The following SERINC5 variants were observed in gnomAD, a reference collection of about 807,000 sequenced individuals.
SERINC5 encodes the protein chromosome 5 open reading frame 12.
In SERINC5, 41 loss-of-function variants were observed where a neutral mutation model predicts 63.1. That is an observed-to-expected ratio of 0.65 (90% CI 0.51 to 0.84). The LOEUF is 0.84. Ranked by LOEUF, SERINC5 falls within the 40% of genes least tolerant of loss-of-function variation. The pLI, the probability that SERINC5 is intolerant of heterozygous loss-of-function variation, is 0.00. For synonymous variants in SERINC5, 222 were observed against 215.2 expected (o/e 1.03, Z -0.28); for missense variants, 523 against 573.0 (o/e 0.91, Z 0.89).
intron 5 of SERINC5, 131 bp from the exon 6 acceptor site, chr5:80,169,677 T>G: frequency 1.5e-6 from 1 of 653,570 alleles, no homozygotes; most frequent in Non-Finnish European, 2.7e-6. Context: ...GGTACCCAGC[T>G]GCTCAGAAGA....
intron 2 of SERINC5, among the ~76,000 whole-genome samples, chr5:80,195,011 G>C (rs1224432056): frequency 1.3e-5 from 2 of 152,164 alleles, no homozygotes; most frequent in African/African-American, 4.8e-5. Context: ...AATGGGCCAG[G>C]TGTGGTGGCT....
intron 2 of SERINC5, among the ~76,000 whole-genome samples, chr5:80,191,479 C>CAAAAA (rs1167390197): frequency 1.6e-4 from 6 of 38,508 alleles, no homozygotes; most frequent in African/African-American, 4.9e-4. Flanking sequence ...TCCATCTCTA[C>CAAAAA]AAAAAAAAAA....
rs1457919539 is a variant in SERINC5, at chr5:80,143,641, G to A, written c.*22C>T. ...ACTTTCCAGGCTGTAGGCCCACAAA[G>A]CCCAGGGGACCGCCGATATCATCAC... is the stretch of plus-strand genomic sequence containing the variant. On this transcript the variant is annotated 3_prime_UTR_variant, in exon 12 of 12. Coordinates refer to ENST00000507668, the MANE Select transcript of SERINC5 (RefSeq NM_001174072.3). The A allele has an allele frequency of 1.3e-6, 2 of 1,534,348 alleles. No homozygotes were observed. The highest frequency in any genetic ancestry group is 2.7e-5 in the African/African-American group (2 of 72,926).
At chr5:80,228,679 C>T (rs1401679540) in intron 1 of SERINC5, among the ~76,000 whole-genome samples, 1 of 151,910 alleles carries the variant, frequency 6.6e-6, no homozygotes, top group Non-Finnish European at 1.5e-5. Context: ...AAACTCCCAG[C>T]CTCAATCCCA....
chr5:80,196,266 G>C (rs568765227), intron 2 of SERINC5, among the ~76,000 whole-genome samples: 1 of 152,068 alleles, frequency 6.6e-6, no homozygotes, highest in Non-Finnish European at 1.5e-5. Context: ...GCAAGCGAAC[G>C]GGAAGGGCAG....
Position 80,141,543 on chromosome 5 carries a change from A to T in SERINC5, c.*2120T>A, listed in dbSNP as rs1016485022. The T allele has an allele frequency of 4.1e-6, 4 of 985,326 alleles. No homozygotes were observed. In the African/African-American group the frequency reaches 7.0e-5, roughly 17 times the overall value. 61.0% of individuals were successfully genotyped at this position (985,326 alleles called of 1,614,324 possible). A position where few individuals can be genotyped will look rare whatever the true frequency, so the allele number is the denominator to read the frequency against. On this transcript the variant is annotated 3_prime_UTR_variant, in exon 12 of 12. Transcript: ENST00000507668. Reference sequence around the variant, plus strand: ...GGCTCTGCTAGACCTCAGCAGGAGGAAAACAATGAAACTAGTCACAATACT... The same window carrying T: ...GGCTCTGCTAGACCTCAGCAGGAGGTAAACAATGAAACTAGTCACAATACT...
Position 80,142,462 on chromosome 5 carries a change from G to A in SERINC5, c.*1201C>T. 9.2e-6 allele frequency: 9 copies of A among 978,980 alleles called. No individual in the cohort carries two copies. Among genetic ancestry groups the A allele is most frequent in the Non-Finnish European group, 1.1e-5 (9 of 824,140 alleles). The allele number at this position is 978,980 out of a possible 1,614,324, so 60.6% of individuals were successfully genotyped here. On this transcript the variant is annotated 3_prime_UTR_variant, in exon 12 of 12. Coordinates refer to ENST00000507668, the MANE Select transcript of SERINC5 (RefSeq NM_001174072.3). The stretch of plus-strand genomic sequence containing the variant: ...TAGCCAGGCTGGTCTTGCAACTCCT[G>A]ACCTCAAGTGATCCGCCTGCCTCTG...
chr5:80,187,674 T>C (rs1242845784), intron 2 of SERINC5, among the ~76,000 whole-genome samples: 1 of 152,210 alleles, frequency 6.6e-6, no homozygotes, highest in East Asian at 1.9e-4. Context: ...TATCTGAGCA[T>C]TTTTAATAGA....
chr5:80,141,761 G>C lies in SERINC5; in HGVS notation c.*1902C>G. 5 of 985,324 alleles carry C rather than the reference G, an allele frequency of 5.1e-6. No homozygotes were observed. Among genetic ancestry groups the C allele is most frequent in the Non-Finnish European group, 6.0e-6 (5 of 829,908 alleles). 61.0% of individuals were successfully genotyped at this position (985,324 alleles called of 1,614,324 possible). A position where few individuals can be genotyped will look rare whatever the true frequency, so the allele number is the denominator to read the frequency against. ...GGCTTTTCATTTTGCGACTCCAGAT[G>C]AATCTTTTAACTGCTGAGTACAGAG... On this transcript the variant is annotated 3_prime_UTR_variant, in exon 12 of 12. Transcript: ENST00000507668.
intron 7 of SERINC5, among the ~76,000 whole-genome samples, chr5:80,162,026 T>C (rs1746964266): frequency 2.0e-5 from 3 of 152,216 alleles, no homozygotes; most frequent in South Asian, 2.1e-4. Context: ...GCTATAAATA[T>C]GTGGCTTTAC....
intron 11 of SERINC5, among the ~76,000 whole-genome samples, chr5:80,129,401 T>C (rs1312203304): frequency 9.9e-5 from 15 of 152,212 alleles, no homozygotes; most frequent in Admixed American, 9.8e-4. Context: ...TCTGCTGCAC[T>C]CAAGGGATCT....
Position 80,140,991 on chromosome 5 carries a change from G to C in SERINC5, c.*2672C>G. On this transcript the variant is annotated 3_prime_UTR_variant, in exon 12 of 12. Transcript: ENST00000507668. ...AACACCGTTGTTATAGGAACTCAAA[G>C]CCATTGGCACAATGTTTCCAGTTTC... 2 of 985,334 alleles carry C rather than the reference G, an allele frequency of 2.0e-6. No individual in the cohort carries two copies. The highest frequency in any genetic ancestry group is 2.4e-6 in the Non-Finnish European group (2 of 829,890). The allele number at this position is 985,334 out of a possible 1,614,324, so 61.0% of individuals were successfully genotyped here.
chr5:80,121,240 C>T (rs1744532850), intron 11 of SERINC5, among the ~76,000 whole-genome samples: 6 of 152,190 alleles, frequency 3.9e-5, no homozygotes. Flanking sequence ...TTTTAACTGG[C>T]TCATGATTCT....
chr5:80,214,993 A>G (rs1396022211), intron 1 of SERINC5, among the ~76,000 whole-genome samples: 1 of 152,266 alleles, frequency 6.6e-6, no homozygotes, highest in Non-Finnish European at 1.5e-5. Flanking sequence ...ATAGAGTTTA[A>G]CTGATGTAAA....
rs567341955 is a variant in SERINC5 at position 80,189,586 on chromosome 5, T to C, written c.196-11522A>G. Among the ~76,000 whole-genome samples, 25 of 152,352 alleles carry C rather than the reference T, an allele frequency of 1.6e-4. No individual in the cohort carries two copies. In the East Asian group the frequency reaches 3.3e-3, roughly 20 times the overall value. On this transcript the variant is annotated intron_variant, in intron 2 of 11. Coordinates refer to ENST00000507668, the MANE Select transcript of SERINC5 (RefSeq NM_001174072.3). Reference sequence around the variant, plus strand: ...CTGATGGAAAGATATCTCTTGAACATAGAAATGTGAAATTTCTATAAAGAG... The same window carrying C: ...CTGATGGAAAGATATCTCTTGAACACAGAAATGTGAAATTTCTATAAAGAG...
At chr5:80,252,739 G>C (rs1043038712) in intron 1 of SERINC5, among the ~76,000 whole-genome samples, 2 of 152,072 alleles carry the variant, frequency 1.3e-5, no homozygotes, top group African/African-American at 4.8e-5. Context: ...ACCCTAAGAA[G>C]TACCCATTCA....
chr5:80,147,799 T>G (rs1170724779), intron 9 of SERINC5, among the ~76,000 whole-genome samples: 1 of 152,164 alleles, frequency 6.6e-6, no homozygotes, highest in Non-Finnish European at 1.5e-5. Context: ...AGAGCCCCAC[T>G]CTCCTGGTGC....
At chr5:80,118,003 G>A (rs1487087515) in intron 11 of SERINC5, among the ~76,000 whole-genome samples, 3 of 152,072 alleles carry the variant, frequency 2.0e-5, no homozygotes, top group Non-Finnish European at 2.9e-5. Flanking sequence ...AGGGGTTTGA[G>A]ACCAGCCTGG....
At chr5:80,111,227 C>T (rs1744094970), downstream of SERINC5, among the ~76,000 whole-genome samples, 1 of 152,082 alleles carries the variant, frequency 6.6e-6, no homozygotes, top group Admixed American at 6.5e-5. Flanking sequence ...CACTCTGAGA[C>T]GAATTGAGGA....
Sources: allele counts gnomAD v4.1 joint callset (sites outside exome capture counted in the v4.1 genomes callset), GRCh38; gene constraint gnomAD v4.1.1; transcripts MANE v1.5; gene names NCBI Gene and HGNC (gene_info 2026-07-23, HGNC 2026-07-21).